The following RPA3 variants were observed in gnomAD, a reference collection of about 807,000 sequenced individuals.
RPA3 encodes replication protein A3.
Under a neutral mutation model 13.7 loss-of-function variants are expected in RPA3, and 24 were observed. The ratio of observed to expected loss-of-function variants is 1.75; its 90% CI spans 1.27 to 2.46. The LOEUF is 2.46. Ranked by LOEUF, RPA3 falls within the 30% of genes most tolerant of loss-of-function variation. The pLI, the probability that RPA3 is intolerant of heterozygous loss-of-function variation, is 0.00. For missense variants in RPA3, 183 were observed against 151.0 expected (o/e 1.21, Z -1.11); for synonymous variants, 59 against 51.2 (o/e 1.15, Z -0.65).
At chr7:7,668,386 C>T (rs1779524229) in intron 4 of RPA3, among the ~76,000 whole-genome samples, 3 of 152,074 alleles carry the variant, frequency 2.0e-5, no homozygotes, top group Admixed American at 2.0e-4. Context: ...GAGTACAGTA[C>T]TATAAGGTTT....
rs1332624542 is a variant in RPA3 at position 7,637,159 on chromosome 7, C to G, written c.284-77G>C. On this transcript the variant is annotated intron_variant, in intron 7 of 7. Transcript: ENST00000223129. ...TCAATTATTATCTAAGATATTTTTA[C>G]CTATTTCCTTTTTCTCACCCTTTTG... The G allele has an allele frequency of 4.7e-6, 5 of 1,062,580 alleles. No homozygotes were observed. In the East Asian group the frequency reaches 1.2e-4, roughly 25 times the overall value. The allele number at this position is 1,062,580 out of a possible 1,614,324, so 65.8% of individuals were successfully genotyped here. A position where few individuals can be genotyped will look rare whatever the true frequency, so the allele number is the denominator to read the frequency against.
chr7:7,650,221 C>T (rs1785193163), intron 4 of RPA3, among the ~76,000 whole-genome samples: 1 of 152,148 alleles, frequency 6.6e-6, no homozygotes, highest in Admixed American at 6.5e-5. Context: ...TGTAACTCTG[C>T]CTAGACATTA....
In RPA3 at chr7:7,693,229, T is replaced by C. The variant is rs28912716; in HGVS notation, c.-1027-5901A>G. On this transcript the variant is annotated intron_variant, in intron 2 of 7. Coordinates refer to ENST00000223129, the MANE Select transcript of RPA3 (RefSeq NM_002947.5). ...ACTACTGAAATTGTACTGTGCTTCT[T>C]GTTTCCAGTATACAATTCACCAAAC... 4.5e-3 allele frequency among the ~76,000 whole-genome samples: 685 copies of C among 152,298 alleles called. 7 individuals are homozygous for C. Among genetic ancestry groups the C allele is most frequent in the African/African-American group, 0.016 (659 of 41,560 alleles).
intron 4 of RPA3, among the ~76,000 whole-genome samples, chr7:7,642,659 G>A (rs1785001008): frequency 6.6e-6 from 1 of 152,084 alleles, no homozygotes; most frequent in Non-Finnish European, 1.5e-5. Context: ...ATGATGTACA[G>A]AAAAAAGTAT....
intron 2 of RPA3, among the ~76,000 whole-genome samples, chr7:7,706,425 A>T (rs141980250): frequency 5.9e-5 from 9 of 152,310 alleles, no homozygotes; most frequent in African/African-American, 2.2e-4. Flanking sequence ...TGGGAACTGT[A>T]CTAGGTTCAG....
intron 4 of RPA3, among the ~76,000 whole-genome samples, chr7:7,652,896 G>A (rs578147412): frequency 3.3e-5 from 5 of 152,228 alleles, no homozygotes; most frequent in East Asian, 3.9e-4. Flanking sequence ...TGAATGTGAT[G>A]GCTTCTATTT....
At chr7:7,712,762 A>G (rs1780799189) in intron 2 of RPA3, among the ~76,000 whole-genome samples, 1 of 152,196 alleles carries the variant, frequency 6.6e-6, no homozygotes, top group African/African-American at 2.4e-5. Flanking sequence ...TGTAAAAAGA[A>G]TGCTTATAAT....
At chr7:7,689,207 A>C (rs1256174009) in intron 2 of RPA3, 1 of 152,218 alleles carries the variant, frequency 6.6e-6, no homozygotes, top group Non-Finnish European at 1.5e-5. Context: ...TGCGACATGA[A>C]GGAAGATCAA....
intron 4 of RPA3, among the ~76,000 whole-genome samples, chr7:7,671,531 A>G (rs944727121): frequency 9.9e-5 from 15 of 152,176 alleles, no homozygotes; most frequent in African/African-American, 3.6e-4. Context: ...TTTGTTTTTA[A>G]CTGTTCGAGG....
intron 4 of RPA3, among the ~76,000 whole-genome samples, chr7:7,683,399 ACT>A (rs1779960285): frequency 6.6e-6 from 1 of 152,044 alleles, no homozygotes; most frequent in Non-Finnish European, 1.5e-5. Context: ...ACTACAGTTC[ACT>A]CTCTAATAAT....
intron 4 of RPA3, among the ~76,000 whole-genome samples, chr7:7,645,545 G>T (rs116495138): frequency 1.3e-5 from 2 of 152,148 alleles, no homozygotes; most frequent in Non-Finnish European, 2.9e-5. Flanking sequence ...CCCGCATTCA[G>T]CTTCCTTTAA....
intron 4 of RPA3, among the ~76,000 whole-genome samples, chr7:7,644,034 A>G (rs1785038806): frequency 6.6e-6 from 1 of 152,110 alleles, no homozygotes; most frequent in Admixed American, 6.5e-5. Context: ...ATTTCCCCAA[A>G]TGGTGGTACC....
At chr7:7,669,580 T>C (rs914546215) in intron 4 of RPA3, among the ~76,000 whole-genome samples, 7 of 152,192 alleles carry the variant, frequency 4.6e-5, no homozygotes, top group Admixed American at 3.9e-4. Context: ...AGACTGACCT[T>C]AGGTACCTAG....
intron 4 of RPA3, among the ~76,000 whole-genome samples, chr7:7,658,182 G>C (rs1420265567): frequency 2.0e-5 from 3 of 152,248 alleles, no homozygotes; most frequent in Non-Finnish European, 4.4e-5. Context: ...ATTTGCTGAA[G>C]TTGCTTATCA....
intron 2 of RPA3, among the ~76,000 whole-genome samples, chr7:7,696,494 T>C (rs1431510795): frequency 6.6e-6 from 1 of 152,162 alleles, no homozygotes; most frequent in Non-Finnish European, 1.5e-5. Flanking sequence ...AGGTAACCTG[T>C]TATATGAATT....
intron 1 of RPA3, among the ~76,000 whole-genome samples, chr7:7,716,682 A>T: frequency 6.6e-6 from 1 of 152,236 alleles, no homozygotes; most frequent in East Asian, 1.9e-4. Context: ...GCGGTGGCTC[A>T]CGCCTGTCAT....
At chr7:7,691,399 G>C (rs1025845130) in intron 2 of RPA3, among the ~76,000 whole-genome samples, 1 of 152,070 alleles carries the variant, frequency 6.6e-6, no homozygotes. Context: ...TTTAAACTTA[G>C]AATTACTAAA....
intron 4 of RPA3, among the ~76,000 whole-genome samples, chr7:7,660,855 T>C (rs557964720): frequency 2.0e-5 from 3 of 152,360 alleles, no homozygotes; most frequent in South Asian, 2.1e-4. Context: ...CCTGTCTTGC[T>C]AGGTTGGAGA....
At chr7:7,699,713 A>G (rs1780409913) in intron 2 of RPA3, among the ~76,000 whole-genome samples, 4 of 152,236 alleles carry the variant, frequency 2.6e-5, no homozygotes, top group South Asian at 4.1e-4. Context: ...TTTCAATTCC[A>G]CAACTGCTGG....
Sources: gnomAD v4.1 joint callset for allele counts (sites outside exome capture counted in the v4.1 genomes callset) on GRCh38, gnomAD v4.1.1 for gene constraint, MANE v1.5 for transcripts, NCBI Gene and HGNC (gene_info 2026-07-23, HGNC 2026-07-21) for gene names.